MAP7: variants seen among roughly 807,000 people sequenced by gnomAD.
The protein encoded by MAP7 is microtubule associated protein 7, also known as ensconsin.
In MAP7, 52 loss-of-function variants were observed where a neutral mutation model predicts 94.8. The observed-to-expected ratio is 0.55, with a 90% confidence interval of 0.44 to 0.69. The LOEUF (loss-of-function observed/expected upper bound fraction) is 0.69, where lower values mean the gene tolerates loss of function less well. Among genes scored for constraint, MAP7 ranks in the 30% least tolerant of loss-of-function variants. The pLI, the probability that MAP7 is intolerant of heterozygous loss-of-function variation, is 0.00. For synonymous variants in MAP7, 350 were observed against 357.0 expected, an observed-to-expected ratio of 0.98 and a Z score of 0.22; for missense variants, 940 against 964.6, an observed-to-expected ratio of 0.97 and a Z score of 0.34.
intron 3 of MAP7, among the ~76,000 whole-genome samples, chr6:136,410,522 G>T (rs1402065410): frequency 6.6e-6 from 1 of 152,196 alleles, no homozygotes; most frequent in Non-Finnish European, 1.5e-5. Context: ...AACCCATCAG[G>T]CCAGGGAGGA....
At chr6:136,359,563 A>G (rs1384441886) in intron 15 of MAP7, among the ~76,000 whole-genome samples, 2 of 152,194 alleles carry the variant, frequency 1.3e-5, no homozygotes, top group Non-Finnish European at 2.9e-5. Context: ...ATATATGCAT[A>G]AATACATATT....
At chr6:136,483,839 C>T (rs1003533454) in intron 1 of MAP7, among the ~76,000 whole-genome samples, 4 of 152,110 alleles carry the variant, frequency 2.6e-5, no homozygotes, top group East Asian at 1.9e-4. Flanking sequence ...TACATAGTGG[C>T]CTACCTTCAG....
intron 1 of MAP7, among the ~76,000 whole-genome samples, chr6:136,447,883 C>T (rs1799825781): frequency 6.6e-6 from 1 of 152,110 alleles, no homozygotes; most frequent in African/African-American, 2.4e-5. Flanking sequence ...AGCAGTTTGG[C>T]CAAACAGCTT....
At chr6:136,540,202 T>C (rs1199034787) in intron 1 of MAP7, among the ~76,000 whole-genome samples, 1 of 152,104 alleles carries the variant, frequency 6.6e-6, no homozygotes, top group East Asian at 1.9e-4. Context: ...TAGCATCTGG[T>C]CACACGGAAG....
At chr6:136,466,891 T>A in intron 1 of MAP7, 1 of 1,517,854 alleles carries the variant, frequency 6.6e-7, no homozygotes, top group Non-Finnish European at 8.8e-7. Context: ...AGGGGCCGTT[T>A]AATCATGCTA....
chr6:136,363,173 C>A (rs1793323686), intron 10 of MAP7, among the ~76,000 whole-genome samples: 1 of 152,238 alleles, frequency 6.6e-6, no homozygotes, highest in Non-Finnish European at 1.5e-5. Flanking sequence ...TGAAGAGGAC[C>A]CTTTTGTCTC....
rs545085161 is a variant in MAP7, at chr6:136,346,188, T to A, written c.2016-109A>T. ...AATGAATAATTTTATAAATCTACAA[T>A]TAAAAAAATCAGACTGGTGAGTCAC... is the stretch of plus-strand genomic sequence containing the variant. On this transcript the variant is annotated intron_variant, in intron 16 of 17. Transcript: ENST00000354570. 7.6e-6 allele frequency: 5 copies of A among 658,700 alleles called. No homozygotes were observed. In the South Asian group the frequency reaches 1.0e-4, roughly 14 times the overall value. 40.8% of individuals were successfully genotyped at this position (658,700 alleles called of 1,614,324 possible).
intron 1 of MAP7, among the ~76,000 whole-genome samples, chr6:136,453,552 G>C (rs1801834764): frequency 6.6e-6 from 1 of 152,188 alleles, no homozygotes; most frequent in Admixed American, 6.5e-5. Context: ...CAGGCTATCT[G>C]ATTACTTTCC....
At chr6:136,411,547 AG>A (rs1787456662) in intron 3 of MAP7, 72 bp downstream of exon 3, 1 of 1,254,318 alleles carries the variant, frequency 8.0e-7, no homozygotes, top group Non-Finnish European at 1.1e-6. Context: ...AAATTCATAA[AG>A]GTATGCAAAA....
intron 1 of MAP7, among the ~76,000 whole-genome samples, chr6:136,444,344 A>G (rs1325333784): frequency 1.3e-5 from 2 of 152,244 alleles, no homozygotes; most frequent in African/African-American, 4.8e-5. Context: ...GATGTACACC[A>G]AAGTTGAAAA....
In MAP7 at chr6:136,444,709, C is replaced by T. The variant is rs182787246; in HGVS notation, c.68-22910G>A. ...TATTCCCTTTTAAAAAAATACGGTC[C>T]TACCATATGAACTAATAATTTAAAC... On this transcript the variant is annotated intron_variant, in intron 1 of 17. Coordinates refer to ENST00000354570, the MANE Select transcript of MAP7 (RefSeq NM_003980.6). Among the ~76,000 whole-genome samples the T allele has an allele frequency of 7.9e-4, 120 of 152,282 alleles. 1 individual carries two copies. The highest frequency in any genetic ancestry group is 9.6e-4 in the East Asian group (5 of 5,182).
chr6:136,408,773 T>C (rs1234448794), intron 3 of MAP7, among the ~76,000 whole-genome samples: 1 of 152,258 alleles, frequency 6.6e-6, no homozygotes, highest in East Asian at 1.9e-4. Flanking sequence ...TTTTAAACTT[T>C]TTTTCTTTTA....
chr6:136,516,140 G>A (rs1824747084), intron 1 of MAP7, among the ~76,000 whole-genome samples: 1 of 151,504 alleles, frequency 6.6e-6, no homozygotes, highest in Admixed American at 6.6e-5. Context: ...AGCTTGGTCT[G>A]GGGACATCCT....
intron 1 of MAP7, among the ~76,000 whole-genome samples, chr6:136,508,844 A>G (rs1337620918): frequency 2.6e-5 from 4 of 152,224 alleles, no homozygotes; most frequent in African/African-American, 9.6e-5. Flanking sequence ...GAAGAAACCA[A>G]ATCCGGGATG....
At chr6:136,399,510 G>GT (rs1023049609) in intron 3 of MAP7, among the ~76,000 whole-genome samples, 153 of 146,058 alleles carry the variant, frequency 1.0e-3, no homozygotes, top group Middle Eastern at 3.5e-3. Flanking sequence ...TGTCTGGCTC[G>GT]TTTTTTTTTT....
rs138614281 is a variant in MAP7 at position 136,407,613 on chromosome 6, T to C, written c.244+4007A>G. On this transcript the variant is annotated intron_variant, in intron 3 of 17. Transcript: ENST00000354570. ...ACTAAATGGATTCAGGGTTAGAGTA[T>C]GTCAACTTCTACCTACCTACTGGGC... 3.5e-3 allele frequency among the ~76,000 whole-genome samples: 527 copies of C among 152,292 alleles called. 6 individuals carry two copies. The highest frequency in any genetic ancestry group is 2.9e-3 in the Non-Finnish European group (196 of 68,016).
intron 1 of MAP7, among the ~76,000 whole-genome samples, chr6:136,469,557 G>C (rs190255577): frequency 5.7e-4 from 87 of 152,074 alleles, no homozygotes; most frequent in African/African-American, 2.0e-3. Flanking sequence ...TTTTTGGAGG[G>C]GGGTAGGGAA....
intron 3 of MAP7, among the ~76,000 whole-genome samples, chr6:136,395,642 C>T (rs532557085): frequency 5.8e-4 from 88 of 152,160 alleles, no homozygotes; most frequent in African/African-American, 2.0e-3. Context: ...AGACCAATGT[C>T]CTGAAGCATT....
intron 5 of MAP7, among the ~76,000 whole-genome samples, chr6:136,385,158 G>A (rs908095614): frequency 6.6e-6 from 1 of 152,046 alleles, no homozygotes. Context: ...TTTTCCCTGT[G>A]TATTTTTGAC....
Sources: allele counts gnomAD v4.1 joint callset (sites outside exome capture counted in the v4.1 genomes callset), GRCh38; gene constraint gnomAD v4.1.1; transcripts MANE v1.5; gene names NCBI Gene and HGNC (gene_info 2026-07-23, HGNC 2026-07-21).